RPS6KC1: variants seen among roughly 807,000 people sequenced by gnomAD.
RPS6KC1 encodes the protein inactive ribosomal protein S6 kinase delta-1.
In RPS6KC1, 54 loss-of-function variants were observed where a neutral mutation model predicts 103.8. The observed-to-expected ratio is 0.52, with a 90% CI of 0.42 to 0.65. The LOEUF (loss-of-function observed/expected upper bound fraction) is 0.65. Among genes scored for constraint, RPS6KC1 ranks in the 30% least tolerant of loss-of-function variants. The pLI is 0.00. For synonymous variants in RPS6KC1, 439 were observed against 438.7 expected, an observed-to-expected ratio of 1.00 and a Z score of -0.01; for missense variants, 1,151 against 1,253.8, an observed-to-expected ratio of 0.92 and a Z score of 1.24.
intron 5 of RPS6KC1, among the ~76,000 whole-genome samples, chr1:213,122,707 C>T (rs531913848): frequency 1.3e-5 from 2 of 152,148 alleles, no homozygotes; most frequent in Non-Finnish European, 2.9e-5. Flanking sequence ...TTTCTAGGCC[C>T]TTTGGTGTTA....
the RPS6KC1 span, among the ~76,000 whole-genome samples, chr1:213,805,415 C>G: frequency 1.3e-4 from 20 of 152,178 alleles, no homozygotes; most frequent in Non-Finnish European, 2.6e-4. Context: ...CCTTTGTTGT[C>G]ATTTCAACAG....
chr1:213,738,732 C>T, the RPS6KC1 span, among the ~76,000 whole-genome samples: 1 of 151,762 alleles, frequency 6.6e-6, no homozygotes, highest in African/African-American at 2.4e-5. Context: ...TGGTGTCTCA[C>T]TCCTGTAATC....
At chr1:213,366,713 T>G in the RPS6KC1 span, among the ~76,000 whole-genome samples, 1 of 152,376 alleles carries the variant, frequency 6.6e-6, no homozygotes, top group South Asian at 2.1e-4. Flanking sequence ...ACCTGGCATC[T>G]GGGTCTAGAG....
the RPS6KC1 span, among the ~76,000 whole-genome samples, chr1:213,532,372 C>T: frequency 2.0e-5 from 3 of 152,090 alleles, no homozygotes; most frequent in East Asian, 1.9e-4. Context: ...CGGTTTAGCC[C>T]GCACCCAGCT....
the RPS6KC1 span, among the ~76,000 whole-genome samples, chr1:213,755,052 C>CTT: frequency 2.6e-5 from 4 of 152,264 alleles, no homozygotes. Context: ...GTTCCTTACA[C>CTT]TTAAGGTGAT....
chr1:213,833,453 A>T, the RPS6KC1 span, among the ~76,000 whole-genome samples: 1 of 152,158 alleles, frequency 6.6e-6, no homozygotes, highest in Non-Finnish European at 1.5e-5. Flanking sequence ...AACTGACATT[A>T]ACTAGGCTTC....
the RPS6KC1 span, among the ~76,000 whole-genome samples, chr1:213,406,036 G>A: frequency 6.6e-6 from 1 of 152,224 alleles, no homozygotes; most frequent in African/African-American, 2.4e-5. Context: ...GTCCCGAGGT[G>A]TCTGCCCTCT....
At chr1:213,706,725 T>A in the RPS6KC1 span, among the ~76,000 whole-genome samples, 2 of 151,954 alleles carry the variant, frequency 1.3e-5, no homozygotes, top group Non-Finnish European at 2.9e-5. Flanking sequence ...CAGGCCCCAG[T>A]GTGTGTTGTT....
the RPS6KC1 span, among the ~76,000 whole-genome samples, chr1:213,297,832 A>G: frequency 6.6e-6 from 1 of 152,188 alleles, no homozygotes; most frequent in African/African-American, 2.4e-5. Flanking sequence ...TACATTGCCT[A>G]GGCTAGTCTC....
chr1:213,204,438 T>G (rs2148608458), intron 8 of RPS6KC1, among the ~76,000 whole-genome samples: 1 of 152,290 alleles, frequency 6.6e-6, no homozygotes, highest in East Asian at 1.9e-4. Context: ...TTATTTGTAG[T>G]ACAATAAAGT....
At chr1:213,577,143 AGTGG>A in the RPS6KC1 span, among the ~76,000 whole-genome samples, 1 of 152,068 alleles carries the variant, frequency 6.6e-6, no homozygotes, top group Non-Finnish European at 1.5e-5. Flanking sequence ...TAATCATGGG[AGTGG>A]GTTTTCCTGT....
At chr1:213,780,857 T>G in the RPS6KC1 span, among the ~76,000 whole-genome samples, 1 of 152,126 alleles carries the variant, frequency 6.6e-6, no homozygotes, top group African/African-American at 2.4e-5. Flanking sequence ...AACCCATTTC[T>G]ACTAAAAATG....
the RPS6KC1 span, among the ~76,000 whole-genome samples, chr1:213,369,424 C>G: frequency 1.3e-5 from 2 of 152,224 alleles, no homozygotes; most frequent in Admixed American, 6.5e-5. Flanking sequence ...ACCCCTGGCC[C>G]TATGGGGCCA....
chr1:213,646,097 A>G, the RPS6KC1 span, among the ~76,000 whole-genome samples: 2 of 152,208 alleles, frequency 1.3e-5, no homozygotes, highest in East Asian at 1.9e-4. Context: ...AATGTTGTGT[A>G]TATTTTAAAG....
rs1312540900 is a variant in RPS6KC1, at chr1:213,142,167, G to GT, written c.835+12286dup. Among the ~76,000 whole-genome samples the GT allele has an allele frequency of 1.6e-4, 24 of 151,798 alleles. No homozygotes were observed. In the South Asian group the frequency reaches 1.7e-3, roughly 11 times the overall value. On this transcript the variant is annotated intron_variant, in intron 6 of 14. Coordinates refer to ENST00000366960, the MANE Select transcript of RPS6KC1 (RefSeq NM_012424.6). ...TTTGATCATTGTTGATTTAAAATCA[G>GT]TTTTTTTTCTGGAATGAGAATGGGA...
chr1:213,565,319 T>A, the RPS6KC1 span, among the ~76,000 whole-genome samples: 2 of 152,208 alleles, frequency 1.3e-5, no homozygotes, highest in Non-Finnish European at 2.9e-5. Context: ...TTCAAGAATG[T>A]TCACAGCAGC....
the RPS6KC1 span, among the ~76,000 whole-genome samples, chr1:213,458,451 G>A: frequency 2.0e-5 from 3 of 152,130 alleles, no homozygotes; most frequent in African/African-American, 7.2e-5. Context: ...GAATAGCACT[G>A]CAGAGAGCAC....
the RPS6KC1 span, among the ~76,000 whole-genome samples, chr1:213,799,488 A>G: frequency 6.6e-6 from 1 of 152,296 alleles, no homozygotes; most frequent in South Asian, 2.1e-4. Context: ...CTTATTACTA[A>G]ACTATATTTG....
chr1:213,855,842 G>C, the RPS6KC1 span, among the ~76,000 whole-genome samples: 1 of 152,356 alleles, frequency 6.6e-6, no homozygotes, highest in Non-Finnish European at 1.5e-5. Flanking sequence ...TCTGGTTTAA[G>C]AGGGTTTCTC....
Sources: gnomAD v4.1 joint callset for allele counts (sites outside exome capture counted in the v4.1 genomes callset) on GRCh38, gnomAD v4.1.1 for gene constraint, MANE v1.5 for transcripts, NCBI Gene and HGNC (gene_info 2026-07-23, HGNC 2026-07-21) for gene names.